The following EML4 variants were observed in gnomAD, a reference collection of about 807,000 sequenced individuals.
The protein encoded by EML4 is echinoderm microtubule-associated protein-like 4.
A neutral mutation model predicts 129.0 loss-of-function variants in EML4; 72 were observed. The observed-to-expected ratio is 0.56, with a 90% CI of 0.46 to 0.68. The LOEUF (loss-of-function observed/expected upper bound fraction) is 0.68, where lower values mean the gene tolerates loss of function less well. EML4 is among the 30% of genes least tolerant of loss of function. EML4 has a pLI of 0.00. For synonymous variants in EML4, 532 were observed against 405.0 expected, an observed-to-expected ratio of 1.31 and a Z score of -3.77; for missense variants, 1,363 against 1,190.6, an observed-to-expected ratio of 1.14 and a Z score of -2.13.
intron 1 of EML4, among the ~76,000 whole-genome samples, chr2:42,226,637 A>C (rs1673980149): frequency 6.6e-6 from 1 of 152,080 alleles, no homozygotes; most frequent in African/African-American, 2.4e-5. Context: ...AGCCTGGGCA[A>C]CAGAGTAAGA....
intron 8 of EML4, among the ~76,000 whole-genome samples, chr2:42,283,660 A>G (rs1667135632): frequency 2.0e-5 from 3 of 152,190 alleles, no homozygotes; most frequent in South Asian, 4.1e-4. Context: ...ATAGATGACT[A>G]TTATAATATT....
At chr2:42,244,068 T>TTTTTTGTTTTTTGTTTTTTG (rs1190915806) in intron 1 of EML4, among the ~76,000 whole-genome samples, 1 of 69,388 alleles carries the variant, frequency 1.4e-5, no homozygotes, top group Non-Finnish European at 3.9e-5. Context: ...AATTAATGTT[T>TTTTTTGTTTTTTGTTTTTTG]TTTTTGTTTT....
chr2:42,265,175 C>A (rs750726774), intron 6 of EML4, among the ~76,000 whole-genome samples: 1 of 152,180 alleles, frequency 6.6e-6, no homozygotes, highest in African/African-American at 2.4e-5. Flanking sequence ...ACTGCAATCT[C>A]CACCTCCTGG....
intron 2 of EML4, among the ~76,000 whole-genome samples, chr2:42,255,832 G>A (rs1384497132): frequency 6.6e-6 from 1 of 152,132 alleles, no homozygotes; most frequent in Non-Finnish European, 1.5e-5. Flanking sequence ...CACCATGTGT[G>A]GAACTTCCTA....
intron 1 of EML4, among the ~76,000 whole-genome samples, chr2:42,204,077 C>T (rs1222964202): frequency 6.6e-6 from 1 of 151,938 alleles, no homozygotes; most frequent in Non-Finnish European, 1.5e-5. Flanking sequence ...ATGCCACTAC[C>T]CCGGGCTAAT....
chr2:42,302,631 T>G (rs1668352782), intron 14 of EML4, among the ~76,000 whole-genome samples: 1 of 151,954 alleles, frequency 6.6e-6, no homozygotes, highest in African/African-American at 2.4e-5. Context: ...CCTCCCGGAT[T>G]CAAGCAATTC....
chr2:42,308,392 C>A (rs1668735265), intron 17 of EML4, among the ~76,000 whole-genome samples: 1 of 152,016 alleles, frequency 6.6e-6, no homozygotes, highest in African/African-American at 2.4e-5. Context: ...CACCTGTAGT[C>A]CCTGCTACTC....
chr2:42,265,097 A>AG, intron 6 of EML4: 1 of 801,422 alleles, frequency 1.2e-6, no homozygotes, highest in Admixed American at 2.9e-5. Context: ...GCTACATTTT[A>AG]CTTTTTTTTT....
chr2:42,234,727 A>C (rs970616541), intron 1 of EML4, among the ~76,000 whole-genome samples: 1 of 152,268 alleles, frequency 6.6e-6, no homozygotes, highest in African/African-American at 2.4e-5. Flanking sequence ...CTGTGAAAAA[A>C]GATGGTCATG....
chr2:42,178,089 G>A (rs1216566688), intron 1 of EML4, among the ~76,000 whole-genome samples: 1 of 152,144 alleles, frequency 6.6e-6, no homozygotes, highest in African/African-American at 2.4e-5. Flanking sequence ...TTTAGAATCT[G>A]AATATAATTA....
At chr2:42,213,241 C>G (rs1176134168) in intron 1 of EML4, among the ~76,000 whole-genome samples, 4 of 152,120 alleles carry the variant, frequency 2.6e-5, no homozygotes, top group South Asian at 2.1e-4. Context: ...CTTGGTGATG[C>G]CTTCTGGTCA....
chr2:42,315,899 A>AC, intron 17 of EML4, 63 bp from the exon 18 acceptor site: 1 of 1,266,092 alleles, frequency 7.9e-7, no homozygotes, highest in Non-Finnish European at 1.1e-6. Context: ...AAGAAAAAGA[A>AC]CAACTTTTTT....
intron 1 of EML4, among the ~76,000 whole-genome samples, chr2:42,176,073 CTT>C (rs1328693196): frequency 6.6e-6 from 1 of 150,790 alleles, no homozygotes; most frequent in Non-Finnish European, 1.5e-5. Flanking sequence ...AATACTGACT[CTT>C]TATAACCCTC....
Position 42,304,522 on chromosome 2 carries a change from A to G in EML4, c.1938A>G (p.Thr646=), listed in dbSNP as rs758412876. The change falls in exon 17 of 23, where the codon ACA becomes ACG. Residue 646 remains threonine (T), a synonymous_variant. Coordinates refer to ENST00000318522, the MANE Select transcript of EML4 (RefSeq NM_019063.5). ...GTGCAGATTTTCATCCAAGTGGCAC[A>G]GTGGTGGCCATAGGAACGCACTCAG... ...GHCADFHPSG[T]VVAIGTHSGR... 9.9e-6 allele frequency: 16 copies of G among 1,614,002 alleles called. No individual in the cohort carries two copies. Among genetic ancestry groups the G allele is most frequent in the Middle Eastern group, 1.6e-4 (1 of 6,084 alleles).
At chr2:42,238,290 C>T (rs898008615) in intron 1 of EML4, among the ~76,000 whole-genome samples, 9 of 152,178 alleles carry the variant, frequency 5.9e-5, no homozygotes, top group African/African-American at 2.2e-4. Flanking sequence ...AGAAGAGGTC[C>T]TCATTTTAGA....
chr2:42,178,391 A>C (rs1456105945), intron 1 of EML4, among the ~76,000 whole-genome samples: 1 of 151,920 alleles, frequency 6.6e-6, no homozygotes, highest in African/African-American at 2.4e-5. Flanking sequence ...AAAAAAAAAA[A>C]ACAAACAAAA....
chr2:42,315,909 T>G (rs1197218187), intron 17 of EML4, 53 bp from the exon 18 acceptor site: 2 of 1,354,334 alleles, frequency 1.5e-6, no homozygotes, highest in Non-Finnish European at 2.1e-6. Flanking sequence ...ACAACTTTTT[T>G]TTTCTATAAA....
chr2:42,230,719 T>A (rs907310927), intron 1 of EML4, among the ~76,000 whole-genome samples: 3 of 152,250 alleles, frequency 2.0e-5, no homozygotes, highest in African/African-American at 7.2e-5. Context: ...TCAAGCTCTT[T>A]AACCAGGTCT....
chr2:42,197,675 TAAA>T (rs941017981), intron 1 of EML4, among the ~76,000 whole-genome samples: 3 of 152,160 alleles, frequency 2.0e-5, no homozygotes, highest in Admixed American at 6.5e-5. Flanking sequence ...TATTTTATCT[TAAA>T]AAGCAAAAAT....
Sources: gnomAD v4.1 joint callset for allele counts (sites outside exome capture counted in the v4.1 genomes callset) on GRCh38, gnomAD v4.1.1 for gene constraint, MANE v1.5 for transcripts, NCBI Gene and HGNC (gene_info 2026-07-23, HGNC 2026-07-21) for gene names.